ADGRV1: variants seen among roughly 807,000 people sequenced by gnomAD.
The protein encoded by ADGRV1 is G-protein coupled receptor 98.
ADGRV1 carries 359 observed loss-of-function variants against 596.2 expected under a neutral mutation model. The observed-to-expected ratio is 0.60, with a 90% CI of 0.55 to 0.66. The LOEUF (loss-of-function observed/expected upper bound fraction) is 0.66, where lower values mean the gene tolerates loss of function less well. Ranked by LOEUF, ADGRV1 falls within the 30% of genes least tolerant of loss-of-function variation. The pLI, the probability that ADGRV1 is intolerant of heterozygous loss-of-function variation, is 0.00. For missense variants in ADGRV1, 7,274 were observed against 7,575.6 expected, an observed-to-expected ratio of 0.96 and a Z score of 1.48; for synonymous variants, 2,681 against 2,679.2, an observed-to-expected ratio of 1.00 and a Z score of -0.02.
chr5:90,767,436 A>T (rs1581057740), intron 59 of ADGRV1, among the ~76,000 whole-genome samples: 1 of 152,166 alleles, frequency 6.6e-6, no homozygotes, highest in East Asian at 1.9e-4. Flanking sequence ...AATTGACGAG[A>T]AGGAAATAAT....
Position 90,862,130 on chromosome 5 carries a change from A to G in ADGRV1, c.17756-1627A>G, listed in dbSNP as rs74771830. Among the ~76,000 whole-genome samples the G allele has an allele frequency of 4.4e-3, 674 of 152,312 alleles. 12 individuals are homozygous for G. The highest frequency in any genetic ancestry group is 0.015 in the African/African-American group (644 of 41,576). On this transcript the variant is annotated intron_variant, in intron 82 of 89. Transcript: ENST00000405460. ...GTATACTAAATGTATATCATGAAAC[A>G]GGAGTATAATAGAGCATTACTAAGT...
In ADGRV1 at chr5:91,072,434, A is replaced by T. The variant is rs750471995; in HGVS notation, c.18153-13A>T. The T allele has an allele frequency of 3.4e-5, 55 of 1,611,342 alleles. No individual in the cohort carries two copies. The East Asian group carries it at 1.0e-3, about 30-fold the overall frequency. ...GAAAGTGTCTGAGTTACTTCTTCTCATTTCTCTTCCAGGTGTTTTATTCCA... is the reference window on the plus strand; with the variant it reads ...GAAAGTGTCTGAGTTACTTCTTCTCTTTTCTCTTCCAGGTGTTTTATTCCA... On this transcript the variant is annotated splice_polypyrimidine_tract_variant and intron_variant, in intron 85 of 89. Coordinates refer to ENST00000405460, the MANE Select transcript of ADGRV1 (RefSeq NM_032119.4).
intron 50 of ADGRV1, among the ~76,000 whole-genome samples, chr5:90,736,389 G>A (rs1002769899): frequency 1.3e-5 from 2 of 151,864 alleles, no homozygotes; most frequent in South Asian, 2.1e-4. Flanking sequence ...TCTTACTAGG[G>A]ATTTTTGCAT....
intron 50 of ADGRV1, among the ~76,000 whole-genome samples, chr5:90,734,373 T>C (rs1423913962): frequency 6.6e-6 from 1 of 152,212 alleles, no homozygotes; most frequent in Non-Finnish European, 1.5e-5. Context: ...TTTACGTTTC[T>C]ACCAACAGTG....
intron 83 of ADGRV1, among the ~76,000 whole-genome samples, chr5:90,889,250 T>C (rs905618098): frequency 6.6e-6 from 1 of 152,164 alleles, no homozygotes; most frequent in Admixed American, 6.6e-5. Flanking sequence ...CTTTTAAGTG[T>C]TTGTCTTTAT....
intron 83 of ADGRV1, among the ~76,000 whole-genome samples, chr5:90,865,111 G>A (rs749851955): frequency 6.6e-6 from 1 of 152,106 alleles, no homozygotes; most frequent in Non-Finnish European, 1.5e-5. Flanking sequence ...GAATAATTAA[G>A]TGCTGGATTC....
rs755819593 is a variant in ADGRV1, at chr5:90,684,029, A to G, written c.6108A>G (p.Gln2036=). 16 of 1,614,000 alleles carry G rather than the reference A, an allele frequency of 9.9e-6. No individual in the cohort carries two copies. The East Asian group carries it at 1.6e-4, about 16-fold the overall frequency. Residue 2036 remains glutamine, a synonymous_variant, in exon 28 of 90, where the codon CAA becomes CAG. Coordinates refer to ENST00000405460, the MANE Select transcript of ADGRV1 (RefSeq NM_032119.4). ...YFPPNLARAT[Q]GRDYIPASGF... ...CACCTAATTTAGCGAGAGCAACTCA[A>G]GGAAGAGACTATATACCAGCTTCTG...
intron 5 of ADGRV1, among the ~76,000 whole-genome samples, 176 bp from the exon 6 acceptor site, chr5:90,624,954 T>C (rs1421290965): frequency 6.6e-6 from 1 of 152,176 alleles, no homozygotes; most frequent in African/African-American, 2.4e-5. Context: ...ATAGTCAATA[T>C]CTATAATTAC....
intron 85 of ADGRV1, among the ~76,000 whole-genome samples, chr5:91,047,968 CTTTA>C (rs994510284): frequency 3.9e-5 from 6 of 152,166 alleles, no homozygotes; most frequent in African/African-American, 7.2e-5. Flanking sequence ...AAGTAGCTAA[CTTTA>C]TTTAGTTAAA....
chr5:90,782,521 T>G (rs141626162), intron 65 of ADGRV1, among the ~76,000 whole-genome samples: 1 of 152,146 alleles, frequency 6.6e-6, no homozygotes, highest in Non-Finnish European at 1.5e-5. Flanking sequence ...TAAATTATAT[T>G]TTAATATGCA....
intron 83 of ADGRV1, among the ~76,000 whole-genome samples, chr5:90,926,369 A>T (rs915402053): frequency 8.0e-5 from 12 of 150,192 alleles, no homozygotes; most frequent in African/African-American, 2.4e-4. Flanking sequence ...GGGAGAGTGT[A>T]TGTGTCGAGG....
At chr5:90,995,717 A>C (rs1781358216) in intron 85 of ADGRV1, among the ~76,000 whole-genome samples, 1 of 152,144 alleles carries the variant, frequency 6.6e-6, no homozygotes, top group Non-Finnish European at 1.5e-5. Flanking sequence ...GAGACTTGTT[A>C]AATTATTGTG....
intron 77 of ADGRV1, among the ~76,000 whole-genome samples, chr5:90,836,170 T>G (rs1764950274): frequency 6.6e-6 from 1 of 152,226 alleles, no homozygotes; most frequent in South Asian, 2.1e-4. Flanking sequence ...GAAAACAGTT[T>G]AGAAGTTTCT....
At chr5:90,773,511 T>C (rs531219406) in intron 59 of ADGRV1, among the ~76,000 whole-genome samples, 1 of 152,148 alleles carries the variant, frequency 6.6e-6, no homozygotes, top group South Asian at 2.1e-4. Context: ...GAAAGAAGTA[T>C]AAAATACCTA....
At position 90,558,800 on chromosome 5, in the gene ADGRV1, AG is replaced by A; in HGVS notation, c.-95del. ...GCCCTCCTCCTGATCCTGTAGTGGT[AG>A]TAAGAATCAGCAGCGCGGGCAAGGA... On this transcript the variant is annotated 5_prime_UTR_variant, in exon 1 of 90. Coordinates refer to ENST00000405460, the MANE Select transcript of ADGRV1 (RefSeq NM_032119.4). 1 of 1,189,446 alleles carries A rather than the reference AG, an allele frequency of 8.4e-7. No homozygotes were observed. Among genetic ancestry groups the A allele is most frequent in the Non-Finnish European group, 1.2e-6 (1 of 816,882 alleles). 73.7% of individuals were successfully genotyped at this position (1,189,446 alleles called of 1,614,324 possible).
intron 77 of ADGRV1, among the ~76,000 whole-genome samples, chr5:90,834,921 CTTCT>C (rs141937099): frequency 0.034 from 4,307 of 127,874 alleles, 149 homozygotes; most frequent in African/African-American, 0.1. Flanking sequence ...TTTCTCTTTC[CTTCT>C]TTCTTTCTTT....
chr5:90,995,038 G>A (rs1045422855), intron 85 of ADGRV1, among the ~76,000 whole-genome samples: 1 of 152,298 alleles, frequency 6.6e-6, no homozygotes, highest in Non-Finnish European at 1.5e-5. Context: ...CATGAGCAAA[G>A]CCTCAAGCAT....
chr5:91,150,882 A>G (rs962449233), intron 88 of ADGRV1, among the ~76,000 whole-genome samples: 2 of 152,176 alleles, frequency 1.3e-5, no homozygotes, highest in African/African-American at 4.8e-5. Context: ...GCTTGTCAGT[A>G]ATGCTGCCCC....
chr5:90,618,750 A>G (rs1375222229), intron 3 of ADGRV1, among the ~76,000 whole-genome samples: 2 of 152,064 alleles, frequency 1.3e-5, no homozygotes, highest in East Asian at 3.8e-4. Context: ...AGAATTTTGT[A>G]CTGTGTACTT....
Sources: allele counts gnomAD v4.1 joint callset (sites outside exome capture counted in the v4.1 genomes callset), GRCh38; gene constraint gnomAD v4.1.1; transcripts MANE v1.5; gene names NCBI Gene and HGNC (gene_info 2026-07-23, HGNC 2026-07-21).